SHC4: variants seen among roughly 807,000 people sequenced by gnomAD.
The protein encoded by SHC4 is SHC adaptor protein 4.
In SHC4, 41 loss-of-function variants were observed where a neutral mutation model predicts 69.4. That is an observed-to-expected ratio of 0.59 (90% CI 0.46 to 0.77). The LOEUF (loss-of-function observed/expected upper bound fraction) is 0.77, where lower values mean the gene tolerates loss of function less well. Ranked by LOEUF, SHC4 falls within the 30% of genes least tolerant of loss-of-function variation. The probability of loss-of-function intolerance (pLI) is 0.00; values close to 1 mark genes in which losing one functional copy is unlikely to be tolerated. For synonymous variants in SHC4, 318 were observed against 299.3 expected, an observed-to-expected ratio of 1.06 and a Z score of -0.64; for missense variants, 777 against 783.8, an observed-to-expected ratio of 0.99 and a Z score of 0.10.
chr15:48,829,922 AAAAT>A (rs1898765589), intron 11 of SHC4, among the ~76,000 whole-genome samples: 1 of 152,254 alleles, frequency 6.6e-6, no homozygotes, highest in South Asian at 2.1e-4. Flanking sequence ...CCGTCTCAAA[AAAAT>A]AAATAAATAA....
intron 8 of SHC4, among the ~76,000 whole-genome samples, chr15:48,853,991 G>A (rs1899264033): frequency 6.6e-6 from 1 of 152,064 alleles, no homozygotes; most frequent in Admixed American, 6.6e-5. Flanking sequence ...CCTAAATAAA[G>A]AGCTTCTAAG....
chr15:48,910,535 T>A (rs961618716), intron 2 of SHC4, among the ~76,000 whole-genome samples: 13 of 152,090 alleles, frequency 8.5e-5, no homozygotes, highest in Non-Finnish European at 1.5e-5. Context: ...TTTGTATTGG[T>A]TTTTTTGTTT....
intron 3 of SHC4, among the ~76,000 whole-genome samples, chr15:48,890,056 T>C (rs1595746871): frequency 6.6e-6 from 1 of 152,236 alleles, no homozygotes; most frequent in Non-Finnish European, 1.5e-5. Context: ...GTAGATAGTA[T>C]GTAGACATCA....
chr15:48,914,071 G>A (rs1315858674), intron 2 of SHC4, among the ~76,000 whole-genome samples: 2 of 152,220 alleles, frequency 1.3e-5, no homozygotes, highest in Non-Finnish European at 2.9e-5. Flanking sequence ...ATGTTGCCCA[G>A]GCTGGTCTCA....
In SHC4 at chr15:48,930,757, A is replaced by C. The variant is rs151254426; in HGVS notation, c.586-5808T>G. ...GTTCAACAATGGTAGAGGCCACCAA[A>C]ATGGCAGGAAAACACAGCAGGATAT... is the stretch of plus-strand genomic sequence containing the variant. On this transcript the variant is annotated intron_variant, in intron 1 of 11. Transcript: ENST00000332408. Among the ~76,000 whole-genome samples the C allele has an allele frequency of 2.0e-3, 307 of 152,348 alleles. 1 individual carries two copies. The highest frequency in any genetic ancestry group is 7.1e-3 in the African/African-American group (297 of 41,582).
intron 2 of SHC4, among the ~76,000 whole-genome samples, chr15:48,901,328 C>A (rs1014025728): frequency 6.6e-6 from 1 of 152,222 alleles, no homozygotes; most frequent in Admixed American, 6.5e-5. Context: ...AGAGTGTAAT[C>A]TTTTGCAAGG....
chr15:48,884,717 AG>A (rs1900003742), intron 3 of SHC4, among the ~76,000 whole-genome samples: 1 of 152,210 alleles, frequency 6.6e-6, no homozygotes. Context: ...ATCTAAAAAA[AG>A]AAAAATTTGA....
At chr15:48,956,178 T>C (rs752262494) in intron 1 of SHC4, among the ~76,000 whole-genome samples, 1 of 151,998 alleles carries the variant, frequency 6.6e-6, no homozygotes, top group Non-Finnish European at 1.5e-5. Flanking sequence ...AAGTCATCAG[T>C]TTTAGCTGGA....
intron 1 of SHC4, among the ~76,000 whole-genome samples, chr15:48,943,911 A>T (rs543387312): frequency 6.6e-6 from 1 of 152,126 alleles, no homozygotes; most frequent in Non-Finnish European, 1.5e-5. Context: ...CCTGGCTTCC[A>T]GGGAAGCTGA....
chr15:48,875,966 T>C (rs990217267), intron 4 of SHC4, among the ~76,000 whole-genome samples: 41 of 152,348 alleles, frequency 2.7e-4, no homozygotes, highest in African/African-American at 9.9e-4. Context: ...AGGAGATGGA[T>C]GCAGAGCACA....
At chr15:48,867,669 T>A in intron 6 of SHC4, 149 bp downstream of exon 6, 1 of 604,116 alleles carries the variant, frequency 1.7e-6, no homozygotes, top group Non-Finnish European at 2.8e-6. Flanking sequence ...GGGCAATTTA[T>A]TTCCAACTCA....
chr15:48,878,230 G>A (rs113812432), intron 4 of SHC4: 1 of 1,607,296 alleles, frequency 6.2e-7, no homozygotes, highest in African/African-American at 1.3e-5. Flanking sequence ...GTGACCTGCA[G>A]ATGGATGTGA....
intron 11 of SHC4, among the ~76,000 whole-genome samples, chr15:48,833,639 G>C (rs1424309287): frequency 2.0e-5 from 3 of 152,084 alleles, no homozygotes; most frequent in African/African-American, 4.8e-5. Flanking sequence ...CCAAAATATG[G>C]CAGTACCATG....
chr15:48,953,014 C>T (rs1901390457), intron 1 of SHC4, among the ~76,000 whole-genome samples: 1 of 152,114 alleles, frequency 6.6e-6, no homozygotes, highest in African/African-American at 2.4e-5. Context: ...ATGGAATCAA[C>T]CTAAATGAAG....
At chr15:48,849,563 T>C (rs1364613641) in intron 9 of SHC4, among the ~76,000 whole-genome samples, 1 of 152,186 alleles carries the variant, frequency 6.6e-6, no homozygotes, top group Non-Finnish European at 1.5e-5. Flanking sequence ...AGTCATTAAA[T>C]AAAGTGTTGA....
In SHC4 at chr15:48,955,770, G is replaced by A. The variant is rs188677706; in HGVS notation, c.585+6661C>T. Among the ~76,000 whole-genome samples, 54 of 152,294 alleles carry A rather than the reference G, an allele frequency of 3.5e-4. No individual in the cohort carries two copies. The East Asian group carries it at 9.8e-3, about 28-fold the overall frequency. On this transcript the variant is annotated intron_variant, in intron 1 of 11. Transcript: ENST00000332408. ...ACACGCAGCATTTTAATCATGTAGA[G>A]GCATTTGGTGTAGCATATTTATTTC...
Position 48,962,970 on chromosome 15 carries a change from C to T in SHC4, c.46G>A (p.Val16Ile). 2 of 1,612,758 alleles carry T rather than the reference C, an allele frequency of 1.2e-6. No individual in the cohort carries two copies. The highest frequency in any genetic ancestry group is 1.7e-6 in the Non-Finnish European group (2 of 1,179,806). Residue 16 changes from valine (V) to isoleucine (I), a missense_variant, in exon 1 of 12, where the codon GTA becomes ATA. Val to Ile is a conservative substitution (Grantham distance 29, BLOSUM62 3). Coordinates refer to ENST00000332408, the MANE Select transcript of SHC4 (RefSeq NM_203349.4). ...QDSLAGLVLY[V>I]GLFGHPGMLH... Reference sequence around the variant, plus strand: ...ATCCCGGGGTGCCCGAAGAGTCCTACATACAGCACGAGTCCTGCCAGGCTG... The same window carrying T: ...ATCCCGGGGTGCCCGAAGAGTCCTATATACAGCACGAGTCCTGCCAGGCTG...
rs115285269 is a variant in SHC4 at position 48,937,908 on chromosome 15, C to A, written c.586-12959G>T. The stretch of plus-strand genomic sequence containing the variant: ...TCCCAATATATCTTTGCAGAAATTC[C>A]TTGAGGCCTTGTATTTTATATTCAA... On this transcript the variant is annotated intron_variant, in intron 1 of 11. Coordinates refer to ENST00000332408, the MANE Select transcript of SHC4 (RefSeq NM_203349.4). Among the ~76,000 whole-genome samples, 823 of 152,264 alleles carry A rather than the reference C, an allele frequency of 5.4e-3. 6 individuals carry two copies. Among genetic ancestry groups the A allele is most frequent in the African/African-American group, 0.019 (789 of 41,562 alleles).
At chr15:48,928,516 C>G (rs1187233014) in intron 1 of SHC4, among the ~76,000 whole-genome samples, 1 of 152,056 alleles carries the variant, frequency 6.6e-6, no homozygotes, top group African/African-American at 2.4e-5. Flanking sequence ...TTGAGACCCA[C>G]GTGAGGAGAG....
Sources: gnomAD v4.1 joint callset for allele counts (sites outside exome capture counted in the v4.1 genomes callset) on GRCh38, gnomAD v4.1.1 for gene constraint, MANE v1.5 for transcripts, NCBI Gene and HGNC (gene_info 2026-07-23, HGNC 2026-07-21) for gene names.